The following GREB1 variants were observed in gnomAD, a reference collection of about 807,000 sequenced individuals.
GREB1 encodes protein GREB1.
In GREB1, 106 loss-of-function variants were observed where a neutral mutation model predicts 200.7. The ratio of observed to expected loss-of-function variants is 0.53; its 90% CI spans 0.45 to 0.62. The LOEUF is 0.62. Ranked by LOEUF, GREB1 falls within the 20% of genes least tolerant of loss-of-function variation. The pLI, the probability that GREB1 is intolerant of heterozygous loss-of-function variation, is 0.00. For synonymous variants in GREB1, 1,132 were observed against 1,092.4 expected, an observed-to-expected ratio of 1.04 and a Z score of -0.72; for missense variants, 2,243 against 2,556.8, an observed-to-expected ratio of 0.88 and a Z score of 2.65.
chr2:11,590,663 G>T (rs1490775403), intron 10 of GREB1, among the ~76,000 whole-genome samples: 1 of 152,116 alleles, frequency 6.6e-6, no homozygotes, highest in Non-Finnish European at 1.5e-5. Flanking sequence ...CAGGAATTAG[G>T]GTCTGTGATT....
intron 15 of GREB1, 31 bp downstream of exon 15, chr2:11,598,891 C>T: frequency 6.3e-7 from 1 of 1,575,020 alleles, no homozygotes; most frequent in Non-Finnish European, 8.7e-7. Flanking sequence ...GACAAGTTGA[C>T]ATTTTCCTTC....
intron 31 of GREB1, among the ~76,000 whole-genome samples, chr2:11,638,230 T>G (rs1014784102): frequency 6.6e-5 from 10 of 152,350 alleles, no homozygotes; most frequent in Non-Finnish European, 1.3e-4. Context: ...AGTCTCTGCC[T>G]CCTGGGTTCA....
intron 26 of GREB1, among the ~76,000 whole-genome samples, chr2:11,631,317 T>C (rs1343434142): frequency 2.0e-5 from 3 of 152,262 alleles, no homozygotes; most frequent in African/African-American, 2.4e-5. Context: ...GGGGCAGTGA[T>C]TGGGGGGTGT....
In GREB1 at chr2:11,580,694, C is replaced by G. The variant is rs1229552737; in HGVS notation, c.773-10C>G. ...ACTGACCCTCCTCTTTGCCTTCTAT[C>G]TGTTTTCAGGACCAGCTTCTGATCA... On this transcript the variant is annotated splice_polypyrimidine_tract_variant and intron_variant, in intron 6 of 32. Transcript: ENST00000381486. This position sits in a 1 kb window ranked among gnomAD's most constrained non-coding sequence, Gnocchi z 4.5. 6.2e-7 allele frequency: 1 copy of G among 1,603,280 alleles called. No individual in the cohort carries two copies. The highest frequency in any genetic ancestry group is 1.3e-5 in the African/African-American group (1 of 74,768).
intron 1 of GREB1, among the ~76,000 whole-genome samples, chr2:11,523,491 C>T (rs74877239): frequency 0.012 from 1,805 of 152,252 alleles, 46 homozygotes; most frequent in African/African-American, 0.041. Context: ...GTAGATGGTC[C>T]ATAAAACTCT....
Position 11,631,962 on chromosome 2 carries a change from A to T in GREB1, c.4665A>T (p.Glu1555Asp), listed in dbSNP as rs1463338836. Residue 1555 changes from glutamate to aspartate, a missense_variant, in exon 27 of 33, where the codon GAA becomes GAT. By Grantham distance (45) the Glu-to-Asp change is conservative (BLOSUM62 2). Around this residue, in one of 3 missense-constraint regions of GREB1, gnomAD observed 478 missense variants for 616.3 expected, o/e 0.78. Transcript: ENST00000381486. Reference sequence around the variant, plus strand: ...TCACTCCAACCACCGGCCGTCACGAACATGGGCTCTTTAATCTGTACCACG... The same window carrying T: ...TCACTCCAACCACCGGCCGTCACGATCATGGGCTCTTTAATCTGTACCACG... ...PTFTPTTGRH[E>D]HGLFNLYHAM... 6.2e-7 allele frequency: 1 copy of T among 1,614,160 alleles called. No homozygotes were observed. The highest frequency in any genetic ancestry group is 1.1e-5 in the South Asian group (1 of 91,080).
At chr2:11,607,595 T>TATATATATACATATAGATAC (rs1682497739) in intron 17 of GREB1, among the ~76,000 whole-genome samples, 2 of 136,480 alleles carry the variant, frequency 1.5e-5, no homozygotes, top group South Asian at 2.2e-4. Context: ...CATATATACA[T>TATATATATACATATAGATAC]ATATATACAT....
chr2:11,502,738 C>T (rs1673082373), intron 1 of GREB1, among the ~76,000 whole-genome samples: 4 of 151,850 alleles, frequency 2.6e-5, no homozygotes, highest in Admixed American at 2.6e-4. Context: ...GATATTGTAC[C>T]AAGTACTTTA....
chr2:11,544,407 A>C (rs529182275), intron 1 of GREB1, among the ~76,000 whole-genome samples: 12 of 152,024 alleles, frequency 7.9e-5, no homozygotes, highest in Non-Finnish European at 1.3e-4. Context: ...TTGTAGAGGC[A>C]GGGTTTCACC....
intron 1 of GREB1, among the ~76,000 whole-genome samples, chr2:11,504,910 G>A (rs951176537): frequency 6.6e-6 from 1 of 152,154 alleles, no homozygotes; most frequent in Non-Finnish European, 1.5e-5. Flanking sequence ...TGCAAGATAG[G>A]TGTGATCACA....
At chr2:11,583,731 C>T (rs538069046) in intron 7 of GREB1, among the ~76,000 whole-genome samples, 18 of 152,058 alleles carry the variant, frequency 1.2e-4, no homozygotes, top group Non-Finnish European at 1.6e-4. Flanking sequence ...TGGTGGTGCG[C>T]GCTTGTAATC....
intron 32 of GREB1, among the ~76,000 whole-genome samples, chr2:11,639,947 G>A (rs1487206640): frequency 6.6e-6 from 1 of 152,104 alleles, no homozygotes; most frequent in Admixed American, 6.5e-5. Context: ...GCTGTAAGGT[G>A]GGGTAGGTAG....
At chr2:11,495,795 C>CTTTTTTT (rs1393933225) in intron 1 of GREB1, among the ~76,000 whole-genome samples, 3,298 of 140,096 alleles carry the variant, frequency 0.024, 136 homozygotes, top group African/African-American at 0.084. Flanking sequence ...TAAGTCCCCC[C>CTTTTTTT]GTTTTTTTTT....
At chr2:11,529,371 A>G (rs1012050792), upstream of GREB1, among the ~76,000 whole-genome samples, 6 of 152,250 alleles carry the variant, frequency 3.9e-5, no homozygotes, top group Admixed American at 6.5e-5. Context: ...CACTAGTAAC[A>G]AGGGAAGTGC....
chr2:11,508,873 C>CTTTTTTTTT lies in GREB1; in HGVS notation c.-159+26502_-159+26510dup, dbSNP rs1344798242. ...GGTGAATCCAAATTTTTCTTTCTCT[C>CTTTTTTTTT]TTTTTTTTTTTTTTTTTTCGGGACA... On this transcript the variant is annotated intron_variant, in intron 1 of 2. Transcript: ENST00000628795. Among the ~76,000 whole-genome samples the CTTTTTTTTT allele has an allele frequency of 6.8e-4, 95 of 139,566 alleles. 1 individual carries two copies. Among genetic ancestry groups the CTTTTTTTTT allele is most frequent in the East Asian group, 2.7e-3 (13 of 4,838 alleles). The allele number at this position is 139,566 out of a possible 152,430, so 91.6% of individuals were successfully genotyped here. A position where few individuals can be genotyped will look rare whatever the true frequency, so the allele number is the denominator to read the frequency against.
intron 10 of GREB1, chr2:11,592,183 TTTTC>T: frequency 1.5e-6 from 1 of 660,880 alleles, no homozygotes; most frequent in Non-Finnish European, 1.9e-6. Context: ...CTACTTTTTT[TTTTC>T]TTTTTTTTTT....
At chr2:11,621,570 C>A (rs1249064073) in intron 23 of GREB1, among the ~76,000 whole-genome samples, 3 of 152,172 alleles carry the variant, frequency 2.0e-5, no homozygotes, top group Middle Eastern at 6.3e-3. Context: ...CCCTTTTGTG[C>A]TCATGTAAAA....
intron 4 of GREB1, among the ~76,000 whole-genome samples, chr2:11,569,971 A>G (rs1397355274): frequency 6.6e-6 from 1 of 152,198 alleles, no homozygotes; most frequent in Admixed American, 6.5e-5. Context: ...GAGGTGATCT[A>G]GCCTTCTTTA....
chr2:11,501,595 TG>T (rs1183670065), intron 1 of GREB1, among the ~76,000 whole-genome samples: 1 of 152,112 alleles, frequency 6.6e-6, no homozygotes, highest in East Asian at 1.9e-4. Flanking sequence ...CGTTTCACTT[TG>T]TTGGCCAGGC....
Sources: gnomAD v4.1 joint callset for allele counts (sites outside exome capture counted in the v4.1 genomes callset) on GRCh38, gnomAD v4.1.1 for gene constraint, gnomAD v4.1.1 regional missense constraint, Gnocchi (gnomAD v3.1) non-coding constraint, MANE v1.5 for transcripts, NCBI Gene and HGNC (gene_info 2026-07-23, HGNC 2026-07-21) for gene names.